Variants in PRKN observed in about 807,000 individuals in gnomAD.
PRKN encodes E3 ubiquitin-protein ligase parkin.
A neutral mutation model predicts 59.5 loss-of-function variants in PRKN; 56 were observed. The ratio of observed to expected loss-of-function variants is 0.94; its 90% confidence interval spans 0.76 to 1.18. The LOEUF is 1.18. PRKN is among the 50% of genes most tolerant of loss of function. The pLI is 0.00. For synonymous variants in PRKN, 250 were observed against 222.1 expected (o/e 1.13, Z -1.12); for missense variants, 657 against 596.4 (o/e 1.10, Z -1.06).
intron 1 of PRKN, among the ~76,000 whole-genome samples, chr6:162,611,287 T>C (rs1349938754): frequency 6.6e-6 from 1 of 152,184 alleles, no homozygotes; most frequent in African/African-American, 2.4e-5. Flanking sequence ...GCTTATTGCT[T>C]TTCAAATATT....
intron 6 of PRKN, among the ~76,000 whole-genome samples, chr6:161,855,082 C>CAA (rs1203185737): frequency 8.8e-5 from 4 of 45,560 alleles, no homozygotes; most frequent in Non-Finnish European, 1.8e-4. Flanking sequence ...GACTTCATCT[C>CAA]AAAAAAAAAA....
intron 6 of PRKN, among the ~76,000 whole-genome samples, chr6:161,907,797 G>C (rs191983988): frequency 6.6e-6 from 1 of 152,278 alleles, no homozygotes; most frequent in African/African-American, 2.4e-5. Context: ...AGAATTTCCG[G>C]CGAGGCGCAG....
At chr6:162,543,216 C>A (rs2803072) in intron 1 of PRKN, among the ~76,000 whole-genome samples, 143,131 of 152,158 alleles carry the variant, frequency 0.94, 67,447 homozygotes, top group Middle Eastern at 0.97. Context: ...AGGACCAGGG[C>A]CAAAAATTGA....
At chr6:161,831,007 G>T (rs938835177) in intron 6 of PRKN, among the ~76,000 whole-genome samples, 5 of 152,112 alleles carry the variant, frequency 3.3e-5, no homozygotes, top group Non-Finnish European at 5.9e-5. Context: ...CCACATTCTG[G>T]TTCATCTCAC....
At chr6:162,609,145 T>C (rs1357809223) in intron 1 of PRKN, among the ~76,000 whole-genome samples, 1 of 152,184 alleles carries the variant, frequency 6.6e-6, no homozygotes, top group African/African-American at 2.4e-5. Context: ...ACCCCTTTCA[T>C]GTACAGAAGA....
At chr6:161,937,435 T>A (rs150748174) in intron 6 of PRKN, among the ~76,000 whole-genome samples, 2 of 152,356 alleles carry the variant, frequency 1.3e-5, no homozygotes, top group African/African-American at 4.8e-5. Context: ...AGCTTTTAAG[T>A]CTTTATCATC....
chr6:162,189,752 T>G (rs905344158), intron 4 of PRKN, among the ~76,000 whole-genome samples: 1 of 151,974 alleles, frequency 6.6e-6, no homozygotes, highest in African/African-American at 2.4e-5. Flanking sequence ...AATAGACATA[T>G]TATGTCATAT....
intron 8 of PRKN, among the ~76,000 whole-genome samples, chr6:161,555,377 C>G (rs982860543): frequency 6.6e-6 from 1 of 152,006 alleles, no homozygotes; most frequent in Non-Finnish European, 1.5e-5. Context: ...GGGACTGAAC[C>G]TTGCTTCTTT....
intron 6 of PRKN, among the ~76,000 whole-genome samples, chr6:161,807,333 G>A (rs181743492): frequency 7.9e-5 from 12 of 152,012 alleles, no homozygotes; most frequent in East Asian, 1.9e-4. Context: ...AAAGATACAC[G>A]CACACATACA....
intron 10 of PRKN, among the ~76,000 whole-genome samples, chr6:161,367,379 C>A (rs1354863263): frequency 6.6e-6 from 1 of 152,020 alleles, no homozygotes; most frequent in Non-Finnish European, 1.5e-5. Context: ...TTCACGCTGA[C>A]CTCCTGGGAC....
chr6:161,624,277 C>T (rs1326898196), intron 7 of PRKN, among the ~76,000 whole-genome samples: 1 of 152,158 alleles, frequency 6.6e-6, no homozygotes, highest in East Asian at 1.9e-4. Flanking sequence ...AATAAAAAGG[C>T]TAAACTACAA....
At chr6:162,237,520 T>G (rs1371337101) in intron 3 of PRKN, among the ~76,000 whole-genome samples, 1 of 152,190 alleles carries the variant, frequency 6.6e-6, no homozygotes, top group Admixed American at 6.5e-5. Context: ...GAATGAGAAG[T>G]GCTCTACCTA....
intron 7 of PRKN, among the ~76,000 whole-genome samples, chr6:161,663,689 T>C (rs1279343932): frequency 1.3e-5 from 2 of 152,226 alleles, no homozygotes; most frequent in Non-Finnish European, 2.9e-5. Context: ...GGACTTTTTA[T>C]TAAACTGCAA....
chr6:161,378,803 T>A lies in PRKN; in HGVS notation c.1167+7991A>T, dbSNP rs959584045. Among the ~76,000 whole-genome samples the A allele has an allele frequency of 2.0e-5, 3 of 152,210 alleles. No homozygotes were observed. Among genetic ancestry groups the A allele is most frequent in the African/African-American group, 7.2e-5 (3 of 41,542 alleles). On this transcript the variant is annotated intron_variant, in intron 10 of 11. Coordinates refer to ENST00000366898, the MANE Select transcript of PRKN (RefSeq NM_004562.3). This position sits in a 1 kb window ranked among gnomAD's most constrained non-coding sequence, Gnocchi z 7.3. ...TTACACTCTGAATCAACAACTACCA[T>A]GGTGCAGGGTGTGTCTCCAGCAGGT...
chr6:161,512,975 T>C (rs1194936105), intron 9 of PRKN, among the ~76,000 whole-genome samples: 1 of 152,184 alleles, frequency 6.6e-6, no homozygotes, highest in African/African-American at 2.4e-5. Context: ...AGTCATACAT[T>C]AACCTGCCTT....
intron 6 of PRKN, among the ~76,000 whole-genome samples, chr6:161,916,218 T>C (rs1307538369): frequency 6.6e-6 from 1 of 152,178 alleles, no homozygotes; most frequent in South Asian, 2.1e-4. Flanking sequence ...AGACATAAGA[T>C]ACATTGGGAG....
chr6:161,372,618 C>T lies in PRKN; in HGVS notation c.1168-12413G>A, dbSNP rs554200225. ...CTTCCCCATTAGCAGAACGGCGGCT[C>T]TCAGACCAGCGGCACCGGAAGCGCT... On this transcript the variant is annotated intron_variant, in intron 10 of 11. Coordinates refer to ENST00000366898, the MANE Select transcript of PRKN (RefSeq NM_004562.3). The surrounding 1 kb of genome is among the most constrained non-coding windows in gnomAD (Gnocchi z 4.2). Among the ~76,000 whole-genome samples, 1 of 152,292 alleles carries T rather than the reference C, an allele frequency of 6.6e-6. No individual in the cohort carries two copies. The highest frequency in any genetic ancestry group is 2.1e-4 in the South Asian group (1 of 4,828).
At chr6:161,777,923 TG>T (rs1790029849) in intron 7 of PRKN, among the ~76,000 whole-genome samples, 1 of 148,748 alleles carries the variant, frequency 6.7e-6, no homozygotes. Context: ...TATATATGTA[TG>T]TATATCTAGT....
intron 3 of PRKN, among the ~76,000 whole-genome samples, chr6:162,219,507 A>T (rs1456538325): frequency 6.6e-6 from 1 of 152,074 alleles, no homozygotes; most frequent in South Asian, 2.1e-4. Context: ...GATGATTTTT[A>T]TTCAGAATGA....
Sources: allele counts gnomAD v4.1 joint callset (sites outside exome capture counted in the v4.1 genomes callset), GRCh38; gene constraint gnomAD v4.1.1; non-coding constraint Gnocchi (gnomAD v3.1); transcripts MANE v1.5; gene names NCBI Gene and HGNC (gene_info 2026-07-23, HGNC 2026-07-21).